ELL: variants seen among roughly 807,000 people sequenced by gnomAD.
The protein encoded by ELL is elongation factor for RNA polymerase II.
ELL carries 18 observed loss-of-function variants against 64.0 expected under a neutral mutation model. The ratio of observed to expected loss-of-function variants is 0.28; its 90% CI spans 0.19 to 0.42. ELL has a LOEUF of 0.42. Among genes scored for constraint, ELL ranks in the 10% least tolerant of loss-of-function variants. The pLI is 1.00. For synonymous variants in ELL, 399 were observed against 376.2 expected (o/e 1.06, Z -0.70); for missense variants, 797 against 870.4 (o/e 0.92, Z 1.06).
chr19:18,462,253 A>G (rs1560121), intron 4 of ELL, among the ~76,000 whole-genome samples: 140,768 of 142,128 alleles, frequency 0.99, 69,768 homozygotes, highest in Middle Eastern at 1. Context: ...GGTGGGCAGT[A>G]TGTGTGTGTG....
rs368632822 is a variant in ELL at position 18,521,927 on chromosome 19, G to A, written c.129C>T (p.Ala43=). 21 of 1,596,040 alleles carry A rather than the reference G, an allele frequency of 1.3e-5. No individual in the cohort carries two copies. The South Asian group carries it at 2.1e-4, about 16-fold the overall frequency. Residue 43 remains alanine, a synonymous_variant, in exon 1 of 12, where the codon GCC becomes GCT. Transcript: ENST00000262809. ...CGGGCGCCATGCCACTCACCTGTCT[G>A]GCGCGGTAGCTCTCGAAGGCCCTCA... ...SALRAFESYR[A]RQDSVSLRPS...
chr19:18,504,889 A>C (rs922560241), intron 1 of ELL, among the ~76,000 whole-genome samples: 1 of 152,220 alleles, frequency 6.6e-6, no homozygotes, highest in Non-Finnish European at 1.5e-5. Context: ...CACAGCCCTG[A>C]GCACCCGAGG....
chr19:18,487,025 C>T (rs142922570), intron 1 of ELL, among the ~76,000 whole-genome samples: 16 of 152,336 alleles, frequency 1.1e-4, no homozygotes, highest in African/African-American at 3.4e-4. Context: ...CTGACACCTC[C>T]GATGCTTCCA....
chr19:18,451,565 G>C lies in ELL; in HGVS notation c.953C>G (p.Ala318Gly), dbSNP rs1386014495. Reference protein sequence around the residue: ...SSPPGERGRSASPPQKRLQPP... With the variant: ...SSPPGERGRSGSPPQKRLQPP... Reference sequence around the variant, plus strand: ...TGCCTCACTTACCTGTGGGGGCGAGGCCGAGCGCCCACGCTCGCCTGGGGG... The same window carrying C: ...TGCCTCACTTACCTGTGGGGGCGAGCCCGAGCGCCCACGCTCGCCTGGGGG... Residue 318 changes from alanine to glycine, a missense_variant, in exon 7 of 12, where the codon GCC becomes GGC. By Grantham distance (60) the Ala-to-Gly change is moderately conservative. Coordinates refer to ENST00000262809, the MANE Select transcript of ELL (RefSeq NM_006532.4). 6 of 1,490,918 alleles carry C rather than the reference G, an allele frequency of 4.0e-6. No individual in the cohort carries two copies. The South Asian group carries it at 5.1e-5, about 13-fold the overall frequency. The allele number at this position is 1,490,918 out of a possible 1,614,324, so 92.4% of individuals were successfully genotyped here.
chr19:18,504,307 T>G (rs1043799820), intron 1 of ELL, among the ~76,000 whole-genome samples: 1 of 152,204 alleles, frequency 6.6e-6, no homozygotes. Flanking sequence ...GCTCTGTTTT[T>G]CCAAAGCAAT....
intron 1 of ELL, among the ~76,000 whole-genome samples, chr19:18,484,028 T>C (rs1293744192): frequency 6.6e-6 from 1 of 152,234 alleles, no homozygotes; most frequent in African/African-American, 2.4e-5. Flanking sequence ...GGAAAGACGC[T>C]GTCGTATGTG....
At chr19:18,446,184 A>T (rs1974409496) in intron 10 of ELL, 125 bp downstream of exon 10, 1 of 1,190,688 alleles carries the variant, frequency 8.4e-7, no homozygotes, top group East Asian at 2.6e-5. Flanking sequence ...CACCAGGGGG[A>T]GAAGCGCTGC....
intron 1 of ELL, among the ~76,000 whole-genome samples, chr19:18,498,513 T>C (rs752531950): frequency 1.4e-4 from 22 of 152,242 alleles, no homozygotes; most frequent in Non-Finnish European, 1.5e-4. Flanking sequence ...TGGATTTCTA[T>C]GATTCTGGGA....
At chr19:18,496,273 G>A (rs1038294110) in intron 1 of ELL, among the ~76,000 whole-genome samples, 6 of 152,250 alleles carry the variant, frequency 3.9e-5, no homozygotes, top group Admixed American at 2.6e-4. Flanking sequence ...CCACCCGTGA[G>A]CCCCAAGAGG....
intron 1 of ELL, among the ~76,000 whole-genome samples, chr19:18,517,886 CAAAAAAA>C (rs35771773): frequency 1.2e-5 from 1 of 84,594 alleles, no homozygotes; most frequent in African/African-American, 4.3e-5. Context: ...GACCTTGTCT[CAAAAAAA>C]AAAAAAAAAG....
chr19:18,519,806 C>CAAAAAAAA (rs1183522203), intron 1 of ELL, among the ~76,000 whole-genome samples: 4 of 62,954 alleles, frequency 6.4e-5, no homozygotes, highest in Non-Finnish European at 1.0e-4. Context: ...AACTCCATCT[C>CAAAAAAAA]AAAAAAAAAA....
Position 18,448,703 on chromosome 19 carries a change from CA to C in ELL, c.1465+1773del, listed in dbSNP as rs201720283. On this transcript the variant is annotated intron_variant, in intron 8 of 11. Transcript: ENST00000262809. ...CCAAGATCTTCACCAGCTAGGATGACAAACGGGGAAATCAAGGCTCAGGGTC... is the reference window on the plus strand; with the variant it reads ...CCAAGATCTTCACCAGCTAGGATGACAACGGGGAAATCAAGGCTCAGGGTC... 9.7e-3 allele frequency: 1,479 copies of C among 152,406 alleles called. 9 individuals are homozygous for C. The highest frequency in any genetic ancestry group is 0.017 in the African/African-American group (727 of 41,582). The allele number at this position is 152,406 out of a possible 1,614,324, so 9.4% of individuals were successfully genotyped here.
At chr19:18,455,489 C>G (rs1330173470) in intron 6 of ELL, among the ~76,000 whole-genome samples, 1 of 134,140 alleles carries the variant, frequency 7.5e-6, no homozygotes, top group African/African-American at 2.8e-5. Context: ...GACTCTGTCT[C>G]AGGAAAAAAA....
chr19:18,498,557 A>T (rs1224256573), intron 1 of ELL, among the ~76,000 whole-genome samples: 1 of 152,216 alleles, frequency 6.6e-6, no homozygotes, highest in Non-Finnish European at 1.5e-5. Flanking sequence ...CCAGGACAGA[A>T]GGTCCGGTTT....
Position 18,461,783 on chromosome 19 carries a change from G to T in ELL, c.539C>A (p.Thr180Asn). 1 of 1,614,172 alleles carries T rather than the reference G, an allele frequency of 6.2e-7. No homozygotes were observed. The highest frequency in any genetic ancestry group is 8.5e-7 in the Non-Finnish European group (1 of 1,180,046). Reference protein sequence around the residue: ...TDAVPSRKRATPINLASAIRK... With the variant: ...TDAVPSRKRANPINLASAIRK... The stretch of plus-strand genomic sequence containing the variant: ...GATGGCACTCGCCAAGTTGATGGGG[G>T]TTGCCCGCTTCCGGGAGGGCACCGC... Residue 180 changes from threonine (T) to asparagine (N), a missense_variant, in exon 5 of 12, where the codon ACC becomes AAC. Physicochemically the swap from Thr to Asn is moderately conservative, Grantham distance 65. Transcript: ENST00000262809.
chr19:18,514,042 G>A (rs551722749), intron 1 of ELL, among the ~76,000 whole-genome samples: 51 of 152,276 alleles, frequency 3.3e-4, no homozygotes, highest in Non-Finnish European at 6.0e-4. Flanking sequence ...GGCTGCCTCA[G>A]TCAGGAGCCG....
At chr19:18,448,087 ATT>A (rs74412361) in intron 8 of ELL, among the ~76,000 whole-genome samples, 69 of 141,494 alleles carry the variant, frequency 4.9e-4, no homozygotes, top group Non-Finnish European at 6.5e-4. Flanking sequence ...CACCTGGCGA[ATT>A]TTTTTTTTTT....
intron 6 of ELL, among the ~76,000 whole-genome samples, 191 bp from the exon 7 acceptor site, chr19:18,451,839 G>A (rs1974545777): frequency 6.6e-6 from 1 of 152,156 alleles, no homozygotes; most frequent in Non-Finnish European, 1.5e-5. Flanking sequence ...ACCCAAAGGA[G>A]GACTTCCCCA....
chr19:18,521,798 A>G, intron 1 of ELL, 123 bp downstream of exon 1: 1 of 1,337,046 alleles, frequency 7.5e-7, no homozygotes, highest in Non-Finnish European at 9.7e-7. Flanking sequence ...CCGCCGGCCC[A>G]GGGACCCGCG....
Sources: gnomAD v4.1 joint callset for allele counts (sites outside exome capture counted in the v4.1 genomes callset) on GRCh38, gnomAD v4.1.1 for gene constraint, MANE v1.5 for transcripts, NCBI Gene and HGNC (gene_info 2026-07-23, HGNC 2026-07-21) for gene names.